The following KIF1B variants were observed in gnomAD, a reference collection of about 807,000 sequenced individuals.
The protein encoded by KIF1B is kinesin-like protein KIF1B.
A neutral mutation model predicts 241.9 loss-of-function variants in KIF1B; 76 were observed. The ratio of observed to expected loss-of-function variants is 0.31; its 90% CI spans 0.26 to 0.38. The LOEUF (loss-of-function observed/expected upper bound fraction) is 0.38. Ranked by LOEUF, KIF1B falls within the 10% of genes least tolerant of loss-of-function variation. The pLI is 1.00. For synonymous variants in KIF1B, 750 were observed against 796.7 expected (o/e 0.94, Z 0.99); for missense variants, 1,622 against 2,271.4 (o/e 0.71, Z 5.81).
In KIF1B at chr1:10,368,528, G is replaced by A. The variant is rs978846620; in HGVS notation, c.4814G>A (p.Ser1605Asn). The change falls in exon 44 of 49, where the codon AGT becomes AAT. Residue 1605 changes from serine to asparagine, a missense_variant. This residue lies in a region of KIF1B where 357 missense variants were observed against 409.0 expected (regional missense o/e 0.87). Coordinates refer to ENST00000676179, the MANE Select transcript of KIF1B (RefSeq NM_001365951.3). Reference sequence around the variant, plus strand: ...TTCAGCCAGGTGCACGGCAGCGTCAGTGACTGTAAGGTGAGCACATTGACT... The same window carrying A: ...TTCAGCCAGGTGCACGGCAGCGTCAATGACTGTAAGGTGAGCACATTGACT... ...REFSQVHGSV[S>N]DCKLSDISPI... The A allele has an allele frequency of 6.2e-7, 1 of 1,613,796 alleles. No homozygotes were observed. Among genetic ancestry groups the A allele is most frequent in the Non-Finnish European group, 8.5e-7 (1 of 1,179,660 alleles).
chr1:10,350,669 T>G (rs1414064511), intron 37 of KIF1B, among the ~76,000 whole-genome samples: 2 of 152,244 alleles, frequency 1.3e-5, no homozygotes, highest in African/African-American at 2.4e-5. Flanking sequence ...TTTATTGCCT[T>G]CCTTTGTGAT....
At chr1:10,292,006 A>G (rs903734390) in intron 16 of KIF1B, 41 bp from the exon 17 acceptor site, 2 of 1,525,842 alleles carry the variant, frequency 1.3e-6, no homozygotes, top group African/African-American at 1.4e-5. Flanking sequence ...TTTAATTGAC[A>G]TTTTGGTATT....
chr1:10,324,941 T>C lies in KIF1B; in HGVS notation c.2675+46T>C, dbSNP rs777638673. 3 of 1,606,946 alleles carry C rather than the reference T, an allele frequency of 1.9e-6. No individual in the cohort carries two copies. In the South Asian group the frequency reaches 3.3e-5, roughly 18 times the overall value. On this transcript the variant is annotated intron_variant, in intron 26 of 48. Transcript: ENST00000676179. ...TGTCTTCTTTTAAAATAATGATTAG[T>C]TTTAAGTGTTTAAAACCTGAGCAGA...
chr1:10,225,233 C>A (rs1646895230), intron 1 of KIF1B, among the ~76,000 whole-genome samples: 1 of 152,142 alleles, frequency 6.6e-6, no homozygotes, highest in Non-Finnish European at 1.5e-5. Flanking sequence ...TGCCTGTAGT[C>A]CCAGCTACTT....
intron 28 of KIF1B, among the ~76,000 whole-genome samples, chr1:10,336,042 A>T (rs1652160394): frequency 1.3e-5 from 2 of 152,226 alleles, no homozygotes; most frequent in African/African-American, 4.8e-5. Flanking sequence ...CTCCACAAGT[A>T]CAATATAATA....
intron 35 of KIF1B, among the ~76,000 whole-genome samples, chr1:10,346,408 A>G (rs1188617337): frequency 6.6e-6 from 1 of 151,618 alleles, no homozygotes; most frequent in African/African-American, 2.4e-5. Context: ...TCTGTTGCCC[A>G]GGCTGGAGTG....
chr1:10,295,694 A>G lies in KIF1B; in HGVS notation c.1705A>G (p.Ile569Val), dbSNP rs374848403. 1.7e-5 allele frequency: 27 copies of G among 1,613,756 alleles called. No homozygotes were observed. The highest frequency in any genetic ancestry group is 2.3e-5 in the Non-Finnish European group (27 of 1,179,942). Residue 569 changes from isoleucine (I) to valine (V), a missense_variant, in exon 19 of 49, where the codon ATA (isoleucine) becomes GTA (valine). Physicochemically the swap from Ile to Val is conservative, Grantham distance 29 (BLOSUM62 3). This residue lies in a region of KIF1B where 57 missense variants were observed against 149.0 expected (regional missense o/e 0.38). Coordinates refer to ENST00000676179, the MANE Select transcript of KIF1B (RefSeq NM_001365951.3). ...AGCAGATGCTGAGCGGCGCCAGGAC[A>G]TAGTGCTGAGCGGGGCTCACATTAA... Reference protein sequence around the residue: ...GQADAERRQDIVLSGAHIKEE... With the variant: ...GQADAERRQDVVLSGAHIKEE...
chr1:10,300,741 G>A (rs1650500794), intron 22 of KIF1B, among the ~76,000 whole-genome samples: 2 of 152,066 alleles, frequency 1.3e-5, no homozygotes, highest in South Asian at 2.1e-4. Context: ...TCCTCTTCAG[G>A]AGTCAGACAT....
intron 37 of KIF1B, among the ~76,000 whole-genome samples, chr1:10,352,184 G>C (rs1402083870): frequency 6.7e-6 from 1 of 149,290 alleles, no homozygotes; most frequent in Non-Finnish European, 1.5e-5. Flanking sequence ...GAACGGGGGA[G>C]GTGTGAATAG....
At chr1:10,295,297 A>G (rs1219067338) in intron 18 of KIF1B, 132 bp downstream of exon 18, 5 of 701,468 alleles carry the variant, frequency 7.1e-6, no homozygotes, top group African/African-American at 5.3e-5. Context: ...GTTACAAACT[A>G]TGCTCTCTTT....
At chr1:10,244,561 C>T (rs1195568710) in intron 2 of KIF1B, among the ~76,000 whole-genome samples, 1 of 151,484 alleles carries the variant, frequency 6.6e-6, no homozygotes, top group African/African-American at 2.4e-5. Context: ...ATCCGCCCGC[C>T]TCAGCCTCCC....
At chr1:10,300,569 G>T (rs960185288) in intron 22 of KIF1B, among the ~76,000 whole-genome samples, 8 of 151,872 alleles carry the variant, frequency 5.3e-5, no homozygotes, top group African/African-American at 1.9e-4. Context: ...TAGAATACTT[G>T]TCATTTCCTG....
intron 1 of KIF1B, among the ~76,000 whole-genome samples, chr1:10,229,513 A>G (rs1308528358): frequency 6.6e-6 from 1 of 152,112 alleles, no homozygotes; most frequent in Non-Finnish European, 1.5e-5. Flanking sequence ...GACAATAGAC[A>G]TGCTCCAGAA....
intron 8 of KIF1B, among the ~76,000 whole-genome samples, chr1:10,271,833 A>T (rs1341705087): frequency 6.6e-6 from 1 of 152,224 alleles, no homozygotes; most frequent in Non-Finnish European, 1.5e-5. Flanking sequence ...TTATCTAACT[A>T]AATAGTTAGG....
At chr1:10,272,973 C>G in intron 9 of KIF1B, 41 bp from the exon 10 acceptor site, 4 of 1,515,620 alleles carry the variant, frequency 2.6e-6, no homozygotes, top group South Asian at 1.2e-5. Context: ...GGAGGCTTAT[C>G]CTGTGTTCTT....
chr1:10,361,826 G>T lies in KIF1B; in HGVS notation c.4304+1G>T. Reference sequence around the variant, plus strand: ...GCGGCTACTCAAAGTCACCAGATTCGTAAGTTTTTCACACAAGTTAGCTTC... The same window carrying T: ...GCGGCTACTCAAAGTCACCAGATTCTTAAGTTTTTCACACAAGTTAGCTTC... On this transcript the variant is annotated splice_donor_variant, in intron 40 of 48. Transcript: ENST00000676179. LOFTEE classifies it high-confidence loss of function. 6.2e-7 allele frequency: 1 copy of T among 1,613,656 alleles called. No homozygotes were observed. The highest frequency in any genetic ancestry group is 8.5e-7 in the Non-Finnish European group (1 of 1,180,016).
chr1:10,306,821 T>TA, intron 22 of KIF1B: 1 of 1,031,570 alleles, frequency 9.7e-7, no homozygotes, highest in Non-Finnish European at 1.2e-6. Flanking sequence ...TTCAACTCTG[T>TA]AGCAAAAATG....
At chr1:10,320,686 A>G (rs542094192) in intron 23 of KIF1B, among the ~76,000 whole-genome samples, 79 of 152,096 alleles carry the variant, frequency 5.2e-4, no homozygotes, top group Non-Finnish European at 2.5e-4. Flanking sequence ...ACTAACTTTG[A>G]AGGAACTCTT....
At chr1:10,307,832 G>C (rs748965094) in intron 22 of KIF1B, 22 of 1,042,646 alleles carry the variant, frequency 2.1e-5, no homozygotes, top group Non-Finnish European at 2.5e-5. Context: ...AAGCGGAATG[G>C]TATTCCTTGG....
Sources: allele counts gnomAD v4.1 joint callset (sites outside exome capture counted in the v4.1 genomes callset), GRCh38; gene constraint gnomAD v4.1.1; regional missense constraint gnomAD v4.1.1; transcripts MANE v1.5; gene names NCBI Gene and HGNC (gene_info 2026-07-23, HGNC 2026-07-21).